The following GOPC variants were observed in gnomAD, a reference collection of about 807,000 sequenced individuals.
GOPC encodes the protein Golgi-associated PDZ and coiled-coil motif-containing protein.
Under a neutral mutation model 51.2 loss-of-function variants are expected in GOPC, and 32 were observed. The observed-to-expected ratio is 0.63, with a 90% CI of 0.47 to 0.84. The LOEUF is 0.84. Ranked by LOEUF, GOPC falls within the 40% of genes least tolerant of loss-of-function variation. The pLI, the probability that GOPC is intolerant of heterozygous loss-of-function variation, is 0.00. For synonymous variants in GOPC, 190 were observed against 205.1 expected (o/e 0.93, Z 0.63); for missense variants, 441 against 555.5 (o/e 0.79, Z 2.07).
intron 1 of GOPC, among the ~76,000 whole-genome samples, chr6:117,596,885 A>C (rs185475881): frequency 6.6e-6 from 1 of 152,194 alleles, no homozygotes; most frequent in Non-Finnish European, 1.5e-5. Flanking sequence ...TTTTGGTTCC[A>C]TATGAATTTT....
At chr6:117,576,345 C>T (rs569210268) in intron 3 of GOPC, among the ~76,000 whole-genome samples, 8 of 151,944 alleles carry the variant, frequency 5.3e-5, no homozygotes, top group Admixed American at 2.0e-4. Context: ...TTAAAGGATT[C>T]GAAAAACTCA....
At chr6:117,569,800 A>G (rs1341639451) in intron 6 of GOPC, 64 bp from the exon 7 acceptor site, 1 of 1,441,112 alleles carries the variant, frequency 6.9e-7, no homozygotes, top group Non-Finnish European at 9.2e-7. Context: ...CGATTAATCT[A>G]GAGATAAAAT....
chr6:117,570,263 A>G (rs1308914830), intron 6 of GOPC, among the ~76,000 whole-genome samples: 1 of 152,012 alleles, frequency 6.6e-6, no homozygotes, highest in East Asian at 1.9e-4. Context: ...TATTCAAGAA[A>G]TATAGATTAG....
intron 1 of GOPC, among the ~76,000 whole-genome samples, chr6:117,582,310 A>ACACC: frequency 6.9e-6 from 1 of 144,258 alleles, no homozygotes. Context: ...ACACACACAC[A>ACACC]TTGATAGAGG....
rs767115378 is a variant in GOPC at position 117,563,353 on chromosome 6, ATGTG to A, written c.1286_1289del (p.Thr429MetfsTer14). The A allele has an allele frequency of 1.2e-6, 2 of 1,613,526 alleles. No homozygotes were observed. The highest frequency in any genetic ancestry group is 3.3e-5 in the Admixed American group (2 of 59,946). ...TTGCAGTGCCCAGGTCTCCATTTTC[ATGTG>A]TGTCAGTTACTGCCTTCTTATTAAA... On this transcript the variant is annotated frameshift_variant, in exon 9 of 9. Transcript: ENST00000368498. LOFTEE classifies it high-confidence loss of function.
intron 2 of GOPC, among the ~76,000 whole-genome samples, chr6:117,577,689 A>C (rs1779902339): frequency 6.6e-6 from 1 of 152,100 alleles, no homozygotes; most frequent in Non-Finnish European, 1.5e-5. Flanking sequence ...TAACTGGTAC[A>C]GTGTTCTTTT....
chr6:117,566,800 T>G, intron 8 of GOPC, 54 bp downstream of exon 8: 1 of 1,202,034 alleles, frequency 8.3e-7, no homozygotes, highest in Non-Finnish European at 1.1e-6. Context: ...CTTCACATTT[T>G]AAACATTTAA....
Position 117,562,625 on chromosome 6 carries a change from TGATAA to T in GOPC, c.*624_*628del. The T allele has an allele frequency of 4.9e-6, 1 of 203,378 alleles. No individual in the cohort carries two copies. The highest frequency in any genetic ancestry group is 1.0e-5 in the Non-Finnish European group (1 of 98,900). 12.6% of individuals were successfully genotyped at this position (203,378 alleles called of 1,614,324 possible). On this transcript the variant is annotated 3_prime_UTR_variant, in exon 9 of 9. Transcript: ENST00000368498. ...AATCTATTTCTAGTGCAGCATTGAT[TGATAA>T]AAGACTGCTTAAAGAAAACTATTTT...
Position 117,562,262 on chromosome 6 carries a change from C to T in GOPC, c.*992G>A, listed in dbSNP as rs1228639533. 1.5e-5 allele frequency: 3 copies of T among 206,858 alleles called. No individual in the cohort carries two copies. The East Asian group carries it at 2.2e-4, about 15-fold the overall frequency. 12.8% of individuals were successfully genotyped at this position (206,858 alleles called of 1,614,324 possible). ...CAAAATGTCTTTATCTCATCTTGCCCACCTTTTAGATGACTGGAAATCATT... is the reference window on the plus strand; with the variant it reads ...CAAAATGTCTTTATCTCATCTTGCCTACCTTTTAGATGACTGGAAATCATT... On this transcript the variant is annotated 3_prime_UTR_variant, in exon 9 of 9. Coordinates refer to ENST00000368498, the MANE Select transcript of GOPC (RefSeq NM_020399.4).
intron 6 of GOPC, 166 bp from the exon 7 acceptor site, chr6:117,569,902 T>G (rs1247776609): frequency 1.3e-6 from 1 of 748,046 alleles, no homozygotes; most frequent in African/African-American, 1.9e-5. Context: ...TGGTAAAAAT[T>G]ATCAGAGTAT....
chr6:117,571,422 C>T (rs1200846803), intron 5 of GOPC, among the ~76,000 whole-genome samples: 8 of 152,074 alleles, frequency 5.3e-5, no homozygotes, highest in African/African-American at 1.9e-4. Context: ...GGCCTTGATC[C>T]ACTAATAATC....
chr6:117,590,865 T>C (rs925882436), intron 1 of GOPC, among the ~76,000 whole-genome samples: 32 of 152,264 alleles, frequency 2.1e-4, no homozygotes, highest in African/African-American at 7.5e-4. Flanking sequence ...TTTTGTTTTG[T>C]TTTTTGAGAA....
chr6:117,570,698 A>G (rs1237040906), intron 6 of GOPC, among the ~76,000 whole-genome samples, 162 bp downstream of exon 6: 1 of 152,064 alleles, frequency 6.6e-6, no homozygotes, highest in Non-Finnish European at 1.5e-5. Flanking sequence ...TTTATTTCTT[A>G]AAAAAATATT....
chr6:117,580,404 A>C lies in GOPC; in HGVS notation c.286-1340T>G, dbSNP rs534104729. On this transcript the variant is annotated intron_variant, in intron 1 of 8. Coordinates refer to ENST00000368498, the MANE Select transcript of GOPC (RefSeq NM_020399.4). ...TCATAAGATTATTAATCTTATATAC[A>C]AAAGAACTTATTAGACTAGGAAAAT... is the stretch of plus-strand genomic sequence containing the variant. 1.7e-4 allele frequency among the ~76,000 whole-genome samples: 26 copies of C among 152,202 alleles called. 1 individual carries two copies. The South Asian group carries it at 5.2e-3, about 30-fold the overall frequency.
intron 1 of GOPC, among the ~76,000 whole-genome samples, chr6:117,598,986 A>G (rs1363664596): frequency 6.6e-6 from 1 of 152,164 alleles, no homozygotes; most frequent in African/African-American, 2.4e-5. Flanking sequence ...GTGTATCCAA[A>G]TACCACACTG....
chr6:117,576,168 T>TAC (rs1016009748), intron 3 of GOPC, among the ~76,000 whole-genome samples: 2 of 151,968 alleles, frequency 1.3e-5, no homozygotes, highest in Non-Finnish European at 2.9e-5. Context: ...TATTTACATA[T>TAC]ACACACACAC....
At chr6:117,585,012 G>A (rs1324240396) in intron 1 of GOPC, among the ~76,000 whole-genome samples, 1 of 152,140 alleles carries the variant, frequency 6.6e-6, no homozygotes, top group Non-Finnish European at 1.5e-5. Flanking sequence ...CTGCAGAACT[G>A]TGAGTCAACT....
intron 1 of GOPC, among the ~76,000 whole-genome samples, chr6:117,587,540 C>T (rs2114622106): frequency 6.6e-6 from 1 of 151,232 alleles, no homozygotes; most frequent in South Asian, 2.1e-4. Flanking sequence ...TATAAAACTA[C>T]AAATTGTAAT....
chr6:117,571,018 A>G, intron 5 of GOPC, 63 bp from the exon 6 acceptor site: 2 of 732,232 alleles, frequency 2.7e-6, no homozygotes, highest in Non-Finnish European at 4.7e-6. Flanking sequence ...AATAGAGTAA[A>G]CTCATACTAT....
Sources: gnomAD v4.1 joint callset for allele counts (sites outside exome capture counted in the v4.1 genomes callset) on GRCh38, gnomAD v4.1.1 for gene constraint, MANE v1.5 for transcripts, NCBI Gene and HGNC (gene_info 2026-07-23, HGNC 2026-07-21) for gene names.